The following THADA variants were observed in gnomAD, a reference collection of about 807,000 sequenced individuals.
THADA encodes the protein THADA armadillo repeat containing.
A neutral mutation model predicts 219.8 loss-of-function variants in THADA; 213 were observed. The observed-to-expected ratio is 0.97, with a 90% confidence interval of 0.87 to 1.09. The LOEUF is 1.09. Ranked by LOEUF, THADA falls within the 50% of genes least tolerant of loss-of-function variation. The probability of loss-of-function intolerance (pLI) is 0.00; values close to 1 mark genes in which losing one functional copy is unlikely to be tolerated. For missense variants in THADA, 2,956 were observed against 2,311.3 expected, an observed-to-expected ratio of 1.28 and a Z score of -5.72; for synonymous variants, 1,018 against 828.9, an observed-to-expected ratio of 1.23 and a Z score of -3.92.
chr2:43,409,933 C>T (rs1573513736), intron 28 of THADA, among the ~76,000 whole-genome samples: 2 of 151,686 alleles, frequency 1.3e-5, no homozygotes, highest in South Asian at 2.1e-4. Context: ...AGGAGGATTG[C>T]TTGAGCCTAG....
At chr2:43,586,550 G>A in intron 6 of THADA, 101 bp from the exon 7 acceptor site, 1 of 1,331,968 alleles carries the variant, frequency 7.5e-7, no homozygotes, top group Non-Finnish European at 1.0e-6. Flanking sequence ...ATGATATCAT[G>A]ATATGGAAAC....
intron 36 of THADA, 29 bp from the exon 37 acceptor site, chr2:43,232,911 G>C: frequency 6.3e-7 from 1 of 1,591,870 alleles, no homozygotes; most frequent in African/African-American, 1.3e-5. Flanking sequence ...GGTGAGCAAT[G>C]AATATACTGC....
intron 36 of THADA, among the ~76,000 whole-genome samples, chr2:43,273,590 T>C (rs1021791163): frequency 2.0e-5 from 3 of 152,140 alleles, no homozygotes; most frequent in Non-Finnish European, 4.4e-5. Context: ...TGCCTGACTC[T>C]GTGATCTGGC....
chr2:43,269,399 C>T (rs980567291), intron 36 of THADA, among the ~76,000 whole-genome samples: 3 of 152,218 alleles, frequency 2.0e-5, no homozygotes, highest in Non-Finnish European at 2.9e-5. Context: ...AATCCCATCA[C>T]CCCAGCAACC....
chr2:43,302,384 A>G (rs1048821584), intron 31 of THADA, among the ~76,000 whole-genome samples: 2 of 151,778 alleles, frequency 1.3e-5, no homozygotes, highest in Non-Finnish European at 2.9e-5. Context: ...CCACCAGTGC[A>G]GTCAACTCAG....
intron 36 of THADA, among the ~76,000 whole-genome samples, chr2:43,257,785 A>C (rs934173244): frequency 2.0e-5 from 3 of 152,266 alleles, no homozygotes; most frequent in African/African-American, 7.2e-5. Flanking sequence ...AATTACAACC[A>C]ACACTCAAAT....
intron 30 of THADA, among the ~76,000 whole-genome samples, chr2:43,328,425 G>C (rs543077877): frequency 2.6e-5 from 4 of 152,286 alleles, no homozygotes; most frequent in African/African-American, 9.6e-5. Context: ...GGAGCTTTGT[G>C]AGTGTTTATA....
intron 25 of THADA, among the ~76,000 whole-genome samples, chr2:43,487,556 A>T (rs777483809): frequency 2.6e-5 from 4 of 152,226 alleles, no homozygotes; most frequent in Non-Finnish European, 5.9e-5. Context: ...TATCTGCCTG[A>T]TCCATCCTGA....
At chr2:43,428,321 T>C in intron 27 of THADA, 90 bp from the exon 28 acceptor site, 3 of 1,321,274 alleles carry the variant, frequency 2.3e-6, no homozygotes, top group Middle Eastern at 1.9e-4. Flanking sequence ...AATAATTATG[T>C]ATATGGCCGG....
At chr2:43,402,704 CA>C (rs1318377018) in intron 28 of THADA, among the ~76,000 whole-genome samples, 1 of 152,192 alleles carries the variant, frequency 6.6e-6, no homozygotes, top group African/African-American at 2.4e-5. Context: ...GCCTAGGCCA[CA>C]AGCAACCTAC....
At chr2:43,280,131 G>A (rs1266102436) in intron 35 of THADA, among the ~76,000 whole-genome samples, 1 of 152,182 alleles carries the variant, frequency 6.6e-6, no homozygotes, top group Non-Finnish European at 1.5e-5. Flanking sequence ...CTTTCCGGAG[G>A]CAACCAGCGC....
chr2:43,585,617 C>G (rs1700945254), intron 7 of THADA, among the ~76,000 whole-genome samples: 1 of 151,984 alleles, frequency 6.6e-6, no homozygotes, highest in Non-Finnish European at 1.5e-5. Context: ...GATCACCAGA[C>G]TTCTGAGGAA....
chr2:43,517,830 A>T lies in THADA; in HGVS notation c.3375-9050T>A, dbSNP rs78287552. On this transcript the variant is annotated intron_variant, in intron 22 of 37. Coordinates refer to ENST00000405975, the MANE Select transcript of THADA (RefSeq NM_022065.5). Reference sequence around the variant, plus strand: ...ACACAAAGATTTCCCAGGGAGCAAAAAATCCAAACTCATCCTGGCTCACAA... The same window carrying T: ...ACACAAAGATTTCCCAGGGAGCAAATAATCCAAACTCATCCTGGCTCACAA... 4.0e-3 allele frequency among the ~76,000 whole-genome samples: 607 copies of T among 152,290 alleles called. 7 individuals carry two copies. The highest frequency in any genetic ancestry group is 0.014 in the African/African-American group (565 of 41,562).
In THADA at chr2:43,266,901, C is replaced by A. The variant is rs1671589944; in HGVS notation, c.5296+12864G>T. On this transcript the variant is annotated intron_variant, in intron 36 of 37. Transcript: ENST00000405975. ...GCCAAACTTGAGCCTCCCCTCTCCA[C>A]TTCCCCATTCCTGCTCCCTTCTAAG... 3.3e-5 allele frequency among the ~76,000 whole-genome samples: 5 copies of A among 152,250 alleles called. 1 individual carries two copies. The South Asian group carries it at 1.0e-3, about 31-fold the overall frequency.
intron 29 of THADA, among the ~76,000 whole-genome samples, chr2:43,377,730 G>C (rs1364433072): frequency 6.6e-6 from 1 of 152,128 alleles, no homozygotes; most frequent in Non-Finnish European, 1.5e-5. Context: ...ATAATGCTGG[G>C]TCTTGACCTA....
At chr2:43,390,044 G>A (rs1397823531) in intron 29 of THADA, among the ~76,000 whole-genome samples, 3 of 152,166 alleles carry the variant, frequency 2.0e-5, no homozygotes, top group Non-Finnish European at 4.4e-5. Flanking sequence ...CTAAGCAGAA[G>A]AATAAACATT....
At chr2:43,587,245 C>A (rs183617013) in intron 4 of THADA, among the ~76,000 whole-genome samples, 2 of 152,194 alleles carry the variant, frequency 1.3e-5, no homozygotes, top group Non-Finnish European at 2.9e-5. Flanking sequence ...CAGAGTGACA[C>A]CGTTAAAACA....
chr2:43,586,819 T>C (rs902214492), intron 5 of THADA, 35 bp downstream of exon 5: 2 of 1,612,342 alleles, frequency 1.2e-6, no homozygotes, highest in Non-Finnish European at 1.7e-6. Flanking sequence ...TGAGAGGGGT[T>C]AGCCAGAAAA....
chr2:43,578,724 C>A, intron 8 of THADA, 117 bp from the exon 9 acceptor site: 2 of 555,624 alleles, frequency 3.6e-6, no homozygotes. Context: ...CTGACCACTT[C>A]CTGGGTGAAT....
Sources: allele counts gnomAD v4.1 joint callset (sites outside exome capture counted in the v4.1 genomes callset), GRCh38; gene constraint gnomAD v4.1.1; transcripts MANE v1.5; gene names NCBI Gene and HGNC (gene_info 2026-07-23, HGNC 2026-07-21).